The following TUBGCP5 variants were observed in gnomAD, a reference collection of about 807,000 sequenced individuals.
TUBGCP5 encodes gamma-tubulin complex component 5.
TUBGCP5 carries 98 observed loss-of-function variants against 134.7 expected under a neutral mutation model. The ratio of observed to expected loss-of-function variants is 0.73; its 90% CI spans 0.62 to 0.86. The LOEUF (loss-of-function observed/expected upper bound fraction) is 0.86, where lower values mean the gene tolerates loss of function less well. TUBGCP5 is among the 40% of genes least tolerant of loss of function. The pLI, the probability that TUBGCP5 is intolerant of heterozygous loss-of-function variation, is 0.00. For synonymous variants in TUBGCP5, 456 were observed against 431.4 expected (o/e 1.06, Z -0.71); for missense variants, 1,150 against 1,244.8 (o/e 0.92, Z 1.15).
At chr15:23,002,041 G>A (rs370628073) in intron 21 of TUBGCP5, among the ~76,000 whole-genome samples, 1 of 141,816 alleles carries the variant, frequency 7.1e-6, no homozygotes, top group African/African-American at 2.7e-5. Context: ...CTCACCCCCT[G>A]TATTTTTCTC....
chr15:22,996,163 A>G, downstream of TUBGCP5, among the ~76,000 whole-genome samples: 1 of 152,326 alleles, frequency 6.6e-6, no homozygotes, highest in East Asian at 1.9e-4. Context: ...ATACATGTTA[A>G]CCTTTGTAAG....
At position 23,032,023 on chromosome 15, in the gene TUBGCP5, T is replaced by G. The variant is rs1356745201; in HGVS notation, c.413A>C (p.Lys138Thr). ...GTATTTTCCCCAGTCGAAATCATCTTTCTTTTCTAAAATGTAACAGAAGAA... is the reference window on the plus strand; with the variant it reads ...GTATTTTCCCCAGTCGAAATCATCTGTCTTTTCTAAAATGTAACAGAAGAA... Reference protein sequence around the residue: ...ETPRNKEVEKKDDFDWGKYLM... With the variant: ...ETPRNKEVEKTDDFDWGKYLM... Residue 138 changes from lysine (K) to threonine (T), a missense_variant, in exon 5 of 23, where the codon AAA becomes ACA. By Grantham distance (78) the Lys-to-Thr change is moderately conservative. Coordinates refer to ENST00000615383, the MANE Select transcript of TUBGCP5 (RefSeq NM_052903.6). 1 of 1,610,954 alleles carries G rather than the reference T, an allele frequency of 6.2e-7. No homozygotes were observed. The highest frequency in any genetic ancestry group is 1.3e-5 in the African/African-American group (1 of 74,870).
downstream of TUBGCP5, among the ~76,000 whole-genome samples, chr15:22,995,603 A>C (rs1055155031): frequency 4.0e-5 from 6 of 151,698 alleles, no homozygotes; most frequent in East Asian, 3.9e-4. Context: ...AACAAAAACC[A>C]AAAAAACCCA....
chr15:23,011,347 A>G lies in TUBGCP5; in HGVS notation c.1757-16T>C. 1 of 1,596,484 alleles carries G rather than the reference A, an allele frequency of 6.3e-7. No homozygotes were observed. Among genetic ancestry groups the G allele is most frequent in the Non-Finnish European group, 8.6e-7 (1 of 1,166,864 alleles). Reference sequence around the variant, plus strand: ...CTTTCTGCATCTGAAACATAAAGAAATATGTAAGGTGAACTAAGTTCTGTT... The same window carrying G: ...CTTTCTGCATCTGAAACATAAAGAAGTATGTAAGGTGAACTAAGTTCTGTT... On this transcript the variant is annotated splice_polypyrimidine_tract_variant and intron_variant, in intron 13 of 22. Transcript: ENST00000615383.
In TUBGCP5 at chr15:23,017,859, T is replaced by G. The variant is rs777058488; in HGVS notation, c.1670A>C (p.Lys557Thr). Residue 557 changes from lysine (K) to threonine (T), a missense_variant, in exon 13 of 23, where the codon AAG (lysine) becomes ACG (threonine). This residue lies in a region of TUBGCP5 where 697 missense variants were observed against 850.1 expected (regional missense o/e 0.82). Transcript: ENST00000615383. ...TMVSFLKPVL[K>T]QIIMAGKSMQ... ...CGACTTGCCAGCCATTATGATCTGC[T>G]TCAGGACAGGTTTGAGGAAGGACAC... The G allele has an allele frequency of 1.2e-6, 2 of 1,614,108 alleles. No individual in the cohort carries two copies. Among genetic ancestry groups the G allele is most frequent in the Non-Finnish European group, 1.7e-6 (2 of 1,179,970 alleles).
At chr15:23,035,977 T>C (rs924053668) in intron 3 of TUBGCP5, among the ~76,000 whole-genome samples, 2 of 152,170 alleles carry the variant, frequency 1.3e-5, no homozygotes, top group Non-Finnish European at 2.9e-5. Context: ...ATACATAGCA[T>C]GTGTGGAGAC....
At chr15:22,993,891 G>A (rs960565843) in intron 23 of TUBGCP5, among the ~76,000 whole-genome samples, 19 of 151,804 alleles carry the variant, frequency 1.3e-4, no homozygotes, top group African/African-American at 4.6e-4. Flanking sequence ...ACGTTGGCCA[G>A]GCTAGTCTTG....
At position 23,024,688 on chromosome 15, in the gene TUBGCP5, G is replaced by T. The variant is rs570422523; in HGVS notation, c.921+49C>A. On this transcript the variant is annotated intron_variant, in intron 9 of 22. Coordinates refer to ENST00000615383, the MANE Select transcript of TUBGCP5 (RefSeq NM_052903.6). Reference sequence around the variant, plus strand: ...AAAATGTTCTAAAATTATATTACTAGTTTACATAAATCCTATTTCTTAAAT... The same window carrying T: ...AAAATGTTCTAAAATTATATTACTATTTTACATAAATCCTATTTCTTAAAT... 5.3e-5 allele frequency: 53 copies of T among 1,007,572 alleles called. No homozygotes were observed. In the African/African-American group the frequency reaches 8.2e-4, roughly 16 times the overall value. The allele number at this position is 1,007,572 out of a possible 1,614,324, so 62.4% of individuals were successfully genotyped here.
At chr15:23,024,638 A>T in intron 9 of TUBGCP5, 99 bp downstream of exon 9, 1 of 661,652 alleles carries the variant, frequency 1.5e-6, no homozygotes, top group Non-Finnish European at 2.5e-6. Flanking sequence ...AGCAAGAACG[A>T]GTTCAATAGC....
chr15:22,993,461 C>T (rs1191175273), intron 23 of TUBGCP5, among the ~76,000 whole-genome samples: 1 of 149,368 alleles, frequency 6.7e-6, no homozygotes, highest in African/African-American at 2.5e-5. Context: ...TGCAGTGGCA[C>T]GATCAAGCTC....
intron 4 of TUBGCP5, 51 bp from the exon 5 acceptor site, chr15:23,032,080 A>G: frequency 2.9e-6 from 4 of 1,391,790 alleles, no homozygotes; most frequent in Admixed American, 2.0e-5. Flanking sequence ...TATCTTTGAA[A>G]AAAAACCTCA....
In TUBGCP5 at chr15:23,022,025, G is replaced by A. The variant is rs775491875; in HGVS notation, c.1305C>T (p.His435=). 1.9e-6 allele frequency: 3 copies of A among 1,614,202 alleles called. No individual in the cohort carries two copies. Among genetic ancestry groups the A allele is most frequent in the South Asian group, 2.2e-5 (2 of 91,088 alleles). Reference sequence around the variant, plus strand: ...TGGCCTTGTACAGGGTGTTAAGCAGGTGAGAGGCCCGGACGACATTTCGAG... The same window carrying A: ...TGGCCTTGTACAGGGTGTTAAGCAGATGAGAGGCCCGGACGACATTTCGAG... ...PDTRNVVRAS[H]LLNTLYKAIL... is the part of the protein sequence containing the mutation. Residue 435 remains histidine (H), a synonymous_variant, in exon 11 of 23, where the codon CAC becomes CAT. Transcript: ENST00000615383.
chr15:23,030,054 G>A (rs962023039), intron 6 of TUBGCP5, among the ~76,000 whole-genome samples: 1 of 152,158 alleles, frequency 6.6e-6, no homozygotes, highest in African/African-American at 2.4e-5. Context: ...AATTAACTGG[G>A]TATGGTGGCA....
At chr15:23,020,725 T>TA (rs1307031291) in intron 11 of TUBGCP5, among the ~76,000 whole-genome samples, 2 of 152,222 alleles carry the variant, frequency 1.3e-5, no homozygotes, top group Non-Finnish European at 2.9e-5. Context: ...AGCCTCTAGT[T>TA]AGATTTTTAT....
chr15:23,002,460 T>C (rs1294426260), intron 21 of TUBGCP5, among the ~76,000 whole-genome samples: 1 of 152,162 alleles, frequency 6.6e-6, no homozygotes, highest in African/African-American at 2.4e-5. Flanking sequence ...GAGTTAACAG[T>C]AGAGGATGGC....
At chr15:23,006,444 T>G in intron 16 of TUBGCP5, 92 bp from the exon 17 acceptor site, 1 of 853,224 alleles carries the variant, frequency 1.2e-6, no homozygotes, top group Non-Finnish European at 1.8e-6. Context: ...TTACATAATA[T>G]TCCCCAAAAG....
Position 23,013,237 on chromosome 15 carries a change from G to T in TUBGCP5, c.1757-1906C>A, listed in dbSNP as rs1231355449. Reference sequence around the variant, plus strand: ...GGAGGCCGAGGCGGGCGGATCATGAGGTCAGGGGATCGAGACCATACTGGC... The same window carrying T: ...GGAGGCCGAGGCGGGCGGATCATGATGTCAGGGGATCGAGACCATACTGGC... On this transcript the variant is annotated intron_variant, in intron 13 of 22. Coordinates refer to ENST00000615383, the MANE Select transcript of TUBGCP5 (RefSeq NM_052903.6). The surrounding 1 kb of genome is among the most constrained non-coding windows in gnomAD (Gnocchi z 4.5). 6.6e-6 allele frequency among the ~76,000 whole-genome samples: 1 copy of T among 151,982 alleles called. No individual in the cohort carries two copies. Among genetic ancestry groups the T allele is most frequent in the Non-Finnish European group, 1.5e-5 (1 of 67,996 alleles).
At chr15:23,014,564 T>C in intron 13 of TUBGCP5, among the ~76,000 whole-genome samples, 1 of 151,720 alleles carries the variant, frequency 6.6e-6, no homozygotes. Context: ...ACCCACATGC[T>C]GGGCCTCAGA....
rs1291853416 is a variant in TUBGCP5, at chr15:23,008,708, T to C, written c.2318A>G (p.Asp773Gly). Residue 773 changes from aspartate to glycine, a missense_variant, in exon 16 of 23, where the codon GAT becomes GGT. Physicochemically the swap from Asp to Gly is moderately conservative, Grantham distance 94. Transcript: ENST00000615383. ...GGCGTCCATATTTTACCGTGAACTA[T>C]CTTCAGGATAACGCTGTCCTACTGC... The part of the protein sequence containing the change: ...QEAVGQRYPE[D>G]SSRLSISFEN... 1 of 1,607,354 alleles carries C rather than the reference T, an allele frequency of 6.2e-7. No individual in the cohort carries two copies. The highest frequency in any genetic ancestry group is 1.3e-5 in the African/African-American group (1 of 74,306).
Sources: allele counts gnomAD v4.1 joint callset (sites outside exome capture counted in the v4.1 genomes callset), GRCh38; gene constraint gnomAD v4.1.1; regional missense constraint gnomAD v4.1.1; non-coding constraint Gnocchi (gnomAD v3.1); transcripts MANE v1.5; gene names NCBI Gene and HGNC (gene_info 2026-07-23, HGNC 2026-07-21).